STXBP6: variants seen among roughly 807,000 people sequenced by gnomAD.
The protein encoded by STXBP6 is syntaxin binding protein 6.
A neutral mutation model predicts 26.9 loss-of-function variants in STXBP6; 21 were observed. The ratio of observed to expected loss-of-function variants is 0.78; its 90% CI spans 0.55 to 1.12. The LOEUF (loss-of-function observed/expected upper bound fraction) is 1.12. Ranked by LOEUF, STXBP6 falls within the 50% of genes most tolerant of loss-of-function variation. STXBP6 has a pLI of 0.00. For synonymous variants in STXBP6, 97 were observed against 92.6 expected (o/e 1.05, Z -0.27); for missense variants, 232 against 257.9 (o/e 0.90, Z 0.69).
At chr14:24,936,573 AT>A (rs1202621550) in intron 2 of STXBP6, among the ~76,000 whole-genome samples, 3 of 152,224 alleles carry the variant, frequency 2.0e-5, no homozygotes, top group African/African-American at 7.2e-5. Flanking sequence ...AGGTACTATT[AT>A]TTATGTAACA....
At chr14:24,926,369 G>T (rs953719959) in intron 2 of STXBP6, among the ~76,000 whole-genome samples, 31 of 152,114 alleles carry the variant, frequency 2.0e-4, no homozygotes, top group African/African-American at 7.2e-4. Flanking sequence ...GGCTCGCCAT[G>T]TTGCTTGGAC....
intron 2 of STXBP6, among the ~76,000 whole-genome samples, chr14:24,886,868 C>T (rs1033776037): frequency 6.6e-6 from 1 of 152,188 alleles, no homozygotes; most frequent in African/African-American, 2.4e-5. Flanking sequence ...CCTAGTCAAG[C>T]ATTGTAGAAT....
At chr14:25,038,694 A>C (rs1407532917) in intron 1 of STXBP6, among the ~76,000 whole-genome samples, 1 of 152,302 alleles carries the variant, frequency 6.6e-6, no homozygotes, top group East Asian at 1.9e-4. Context: ...GAAGAGCAGA[A>C]AAAATAACTA....
chr14:25,047,613 G>A (rs918193781), intron 1 of STXBP6, among the ~76,000 whole-genome samples: 1 of 152,214 alleles, frequency 6.6e-6, no homozygotes, highest in Non-Finnish European at 1.5e-5. Flanking sequence ...GACTCTGGCA[G>A]TATAGCCCAA....
chr14:25,048,067 G>A (rs1181489003), intron 1 of STXBP6, among the ~76,000 whole-genome samples: 1 of 152,298 alleles, frequency 6.6e-6, no homozygotes, highest in African/African-American at 2.4e-5. Flanking sequence ...TTTGAGGATA[G>A]AGAAAGAAAA....
At chr14:24,850,360 T>C (rs2069106849) in intron 4 of STXBP6, among the ~76,000 whole-genome samples, 1 of 152,128 alleles carries the variant, frequency 6.6e-6, no homozygotes, top group Non-Finnish European at 1.5e-5. Context: ...AGAATTCTAA[T>C]AGAGCTCTGA....
chr14:24,820,111 CA>C (rs550186905), intron 4 of STXBP6, among the ~76,000 whole-genome samples: 1 of 152,162 alleles, frequency 6.6e-6, no homozygotes, highest in South Asian at 2.1e-4. Context: ...AAATGACAAC[CA>C]AAGGAAATTT....
At chr14:24,814,858 T>G (rs1237669559) in intron 5 of STXBP6, among the ~76,000 whole-genome samples, 1 of 152,108 alleles carries the variant, frequency 6.6e-6, no homozygotes, top group East Asian at 1.9e-4. Flanking sequence ...GATGAGGAGG[T>G]GCCATCTATG....
chr14:25,028,369 C>T (rs2075387365), intron 1 of STXBP6, among the ~76,000 whole-genome samples: 1 of 152,138 alleles, frequency 6.6e-6, no homozygotes, highest in Non-Finnish European at 1.5e-5. Context: ...TTCTGAAAAT[C>T]CTAGGGCCCT....
intron 2 of STXBP6, among the ~76,000 whole-genome samples, chr14:24,947,617 C>G (rs1231174102): frequency 6.6e-6 from 1 of 152,158 alleles, no homozygotes; most frequent in East Asian, 1.9e-4. Context: ...AGACACTAAG[C>G]GTTCTTCACA....
At chr14:24,988,506 T>G (rs977858975) in intron 1 of STXBP6, among the ~76,000 whole-genome samples, 33 of 152,336 alleles carry the variant, frequency 2.2e-4, no homozygotes, top group African/African-American at 7.9e-4. Flanking sequence ...CTTACTCTAT[T>G]AAGCCTACCC....
At chr14:25,039,216 T>A (rs997016651) in intron 1 of STXBP6, among the ~76,000 whole-genome samples, 1 of 152,170 alleles carries the variant, frequency 6.6e-6, no homozygotes, top group Admixed American at 6.5e-5. Flanking sequence ...CATAAAAGAA[T>A]ACAAAAGTAT....
At chr14:24,930,807 G>A in intron 2 of STXBP6, among the ~76,000 whole-genome samples, 1 of 151,984 alleles carries the variant, frequency 6.6e-6, no homozygotes, top group Non-Finnish European at 1.5e-5. Context: ...GCAAACTATT[G>A]CAAGGACAAA....
chr14:24,813,134 T>C (rs17257382), intron 5 of STXBP6, among the ~76,000 whole-genome samples: 3,877 of 152,264 alleles, frequency 0.025, 162 homozygotes, highest in East Asian at 0.18. Flanking sequence ...TGGCATCTCA[T>C]GAAGTATTAA....
intron 4 of STXBP6, among the ~76,000 whole-genome samples, chr14:24,830,063 T>G (rs548638442): frequency 6.6e-6 from 1 of 152,152 alleles, no homozygotes; most frequent in South Asian, 2.1e-4. Flanking sequence ...TGCAAAGATT[T>G]GAAAGGGGAA....
chr14:24,879,632 A>T (rs2070281202), intron 2 of STXBP6, among the ~76,000 whole-genome samples: 1 of 152,224 alleles, frequency 6.6e-6, no homozygotes, highest in African/African-American at 2.4e-5. Context: ...TATTTTAAGA[A>T]GAGATGAGGA....
At chr14:24,993,132 A>C (rs2074516237) in intron 1 of STXBP6, among the ~76,000 whole-genome samples, 2 of 152,098 alleles carry the variant, frequency 1.3e-5, no homozygotes, top group African/African-American at 4.8e-5. Context: ...TTCAAGTACC[A>C]CCTACAGGCT....
chr14:24,943,796 A>G (rs576414262), intron 2 of STXBP6, among the ~76,000 whole-genome samples: 1 of 152,348 alleles, frequency 6.6e-6, no homozygotes. Context: ...ATAAATCACT[A>G]AAAATTTTGA....
intron 1 of STXBP6, among the ~76,000 whole-genome samples, chr14:25,008,019 T>C (rs1381076342): frequency 6.6e-6 from 1 of 151,994 alleles, no homozygotes; most frequent in African/African-American, 2.4e-5. Context: ...TACTACAGAG[T>C]CCTGCAGATG....
Sources: gnomAD v4.1 joint callset for allele counts (sites outside exome capture counted in the v4.1 genomes callset) on GRCh38, gnomAD v4.1.1 for gene constraint, MANE v1.5 for transcripts, NCBI Gene and HGNC (gene_info 2026-07-23, HGNC 2026-07-21) for gene names.